The following SLC16A10 variants were observed in gnomAD, a reference collection of about 807,000 sequenced individuals.
SLC16A10 encodes the protein monocarboxylate transporter 10.
Under a neutral mutation model 40.0 loss-of-function variants are expected in SLC16A10, and 27 were observed. The observed-to-expected ratio is 0.67, with a 90% confidence interval of 0.50 to 0.93. The LOEUF (loss-of-function observed/expected upper bound fraction) is 0.93, where lower values mean the gene tolerates loss of function less well. Ranked by LOEUF, SLC16A10 falls within the 40% of genes least tolerant of loss-of-function variation. SLC16A10 has a pLI of 0.00. For synonymous variants in SLC16A10, 213 were observed against 249.8 expected, an observed-to-expected ratio of 0.85 and a Z score of 1.39; for missense variants, 529 against 658.2, an observed-to-expected ratio of 0.80 and a Z score of 2.15.
chr6:111,131,594 G>A (rs1193020668), intron 1 of SLC16A10, among the ~76,000 whole-genome samples: 1 of 152,176 alleles, frequency 6.6e-6, no homozygotes, highest in Non-Finnish European at 1.5e-5. Flanking sequence ...CCTGTCAGCT[G>A]GTTAAAAACA....
At chr6:111,164,480 CTGGGTG>C (rs1369838346) in intron 1 of SLC16A10, among the ~76,000 whole-genome samples, 2 of 152,092 alleles carry the variant, frequency 1.3e-5, no homozygotes, top group Non-Finnish European at 2.9e-5. Flanking sequence ...AAGAAGCAGG[CTGGGTG>C]TGGTGGCTCA....
intron 3 of SLC16A10, among the ~76,000 whole-genome samples, chr6:111,181,991 T>C (rs1216019): frequency 0.71 from 107,476 of 151,644 alleles, 38,119 homozygotes; most frequent in South Asian, 0.76. Context: ...TTTTGTTTTG[T>C]TTTGTTTTTG....
intron 1 of SLC16A10, among the ~76,000 whole-genome samples, chr6:111,121,975 C>A (rs904288917): frequency 6.6e-6 from 1 of 152,206 alleles, no homozygotes; most frequent in Non-Finnish European, 1.5e-5. Context: ...GCTTTCTGTA[C>A]CCTGGCACCC....
At chr6:111,152,161 T>C (rs1325654717) in intron 1 of SLC16A10, among the ~76,000 whole-genome samples, 1 of 152,244 alleles carries the variant, frequency 6.6e-6, no homozygotes, top group Non-Finnish European at 1.5e-5. Flanking sequence ...CCATTTAATT[T>C]CTGAACTCTA....
intron 3 of SLC16A10, among the ~76,000 whole-genome samples, chr6:111,184,267 T>C (rs1272113868): frequency 1.3e-5 from 2 of 152,180 alleles, no homozygotes; most frequent in African/African-American, 4.8e-5. Flanking sequence ...CTGACTCATA[T>C]TGAAATCTGT....
At chr6:111,132,646 G>A (rs979633109) in intron 1 of SLC16A10, among the ~76,000 whole-genome samples, 2 of 152,108 alleles carry the variant, frequency 1.3e-5, no homozygotes, top group Non-Finnish European at 2.9e-5. Flanking sequence ...TAAAATATGG[G>A]GCTCTTCTGT....
chr6:111,150,881 CT>C (rs1169228194), intron 1 of SLC16A10, among the ~76,000 whole-genome samples: 1 of 152,130 alleles, frequency 6.6e-6, no homozygotes, highest in Non-Finnish European at 1.5e-5. Flanking sequence ...TTAATTTGTT[CT>C]GTGGGTGCAT....
chr6:111,186,796 A>G (rs1186903857), intron 3 of SLC16A10, among the ~76,000 whole-genome samples: 2 of 152,056 alleles, frequency 1.3e-5, no homozygotes, highest in Non-Finnish European at 2.9e-5. Flanking sequence ...TATCCCTATC[A>G]TTATATCTCT....
In SLC16A10 at chr6:111,206,818, T is replaced by TC. The variant is rs1212043572; in HGVS notation, c.1086+84dup. On this transcript the variant is annotated intron_variant, in intron 4 of 5. Transcript: ENST00000368851. ...ATTAAATGTACTTACATGCTTAAATTCTTTTTTTTTCTTTCCTTTTTCTTT... is the reference window on the plus strand; with the variant it reads ...ATTAAATGTACTTACATGCTTAAATTCCTTTTTTTTTCTTTCCTTTTTCTTT... 6.7e-6 allele frequency: 10 copies of TC among 1,485,226 alleles called. No individual in the cohort carries two copies. In the East Asian group the frequency reaches 2.3e-4, roughly 34 times the overall value. The allele number at this position is 1,485,226 out of a possible 1,614,324, so 92.0% of individuals were successfully genotyped here. A position where few individuals can be genotyped will look rare whatever the true frequency, so the allele number is the denominator to read the frequency against.
intron 1 of SLC16A10, among the ~76,000 whole-genome samples, chr6:111,091,636 G>T (rs1200376701): frequency 6.6e-6 from 1 of 151,762 alleles, no homozygotes; most frequent in African/African-American, 2.4e-5. Context: ...CTTTTAGATT[G>T]ATCCACAGCA....
intron 1 of SLC16A10, among the ~76,000 whole-genome samples, chr6:111,089,629 G>C (rs1770936347): frequency 1.3e-5 from 2 of 152,152 alleles, no homozygotes. Flanking sequence ...TACCATTTAA[G>C]GGAAGTAATC....
intron 1 of SLC16A10, among the ~76,000 whole-genome samples, chr6:111,139,967 T>G (rs1055235435): frequency 6.6e-6 from 1 of 152,142 alleles, no homozygotes; most frequent in Non-Finnish European, 1.5e-5. Context: ...TAAGAACTTA[T>G]GAATGTAAAG....
rs1238815308 is a variant in SLC16A10, at chr6:111,229,783, G to T, written c.*7548G>T. On this transcript the variant is annotated 3_prime_UTR_variant, in exon 6 of 6. Coordinates refer to ENST00000368851, the MANE Select transcript of SLC16A10 (RefSeq NM_018593.5). ...TCAAGGGCTCTCAGCACCATCGTTGGTCTGATTGTGTAACACCTAAGTAAA... is the reference window on the plus strand; with the variant it reads ...TCAAGGGCTCTCAGCACCATCGTTGTTCTGATTGTGTAACACCTAAGTAAA... The T allele has an allele frequency of 6.6e-6, 1 of 152,102 alleles. No homozygotes were observed. The highest frequency in any genetic ancestry group is 2.4e-5 in the African/African-American group (1 of 41,422). The allele number at this position is 152,102 out of a possible 1,614,324, so 9.4% of individuals were successfully genotyped here.
intron 2 of SLC16A10, 45 bp downstream of exon 2, chr6:111,172,884 T>C: frequency 6.3e-6 from 10 of 1,585,776 alleles, no homozygotes; most frequent in Non-Finnish European, 8.6e-6. Context: ...AACTGTTAGA[T>C]ACCTTAAAGT....
chr6:111,165,155 G>T (rs1423294981), intron 1 of SLC16A10, among the ~76,000 whole-genome samples: 1 of 152,192 alleles, frequency 6.6e-6, no homozygotes. Flanking sequence ...GGCTAGGAAA[G>T]CATGCAGTTT....
Position 111,223,775 on chromosome 6 carries a change from A to G in SLC16A10, c.*1540A>G, listed in dbSNP as rs1307338095. ...TTTGAGAAGTTCAACAAAACATACTACTAAGACCAATCATCAAACCCACTA... is the reference window on the plus strand; with the variant it reads ...TTTGAGAAGTTCAACAAAACATACTGCTAAGACCAATCATCAAACCCACTA... On this transcript the variant is annotated 3_prime_UTR_variant, in exon 6 of 6. Transcript: ENST00000368851. The G allele has an allele frequency of 6.6e-6, 1 of 152,226 alleles. No homozygotes were observed. The allele number at this position is 152,226 out of a possible 1,614,324, so 9.4% of individuals were successfully genotyped here. A position where few individuals can be genotyped will look rare whatever the true frequency, so the allele number is the denominator to read the frequency against.
rs1166078231 is a variant in SLC16A10, at chr6:111,229,215, G to A, written c.*6980G>A. The A allele has an allele frequency of 6.6e-6, 1 of 151,858 alleles. No individual in the cohort carries two copies. Among genetic ancestry groups the A allele is most frequent in the East Asian group, 1.9e-4 (1 of 5,196 alleles). 9.4% of individuals were successfully genotyped at this position (151,858 alleles called of 1,614,324 possible). On this transcript the variant is annotated 3_prime_UTR_variant, in exon 6 of 6. Coordinates refer to ENST00000368851, the MANE Select transcript of SLC16A10 (RefSeq NM_018593.5). ...TACAACACAATAGAAAATGTATACA[G>A]CCAGCAACGTTATGCATGTTGCATG...
chr6:111,146,193 G>T (rs1311120837), intron 1 of SLC16A10, among the ~76,000 whole-genome samples: 1 of 152,164 alleles, frequency 6.6e-6, no homozygotes, highest in Non-Finnish European at 1.5e-5. Context: ...AATCACCAAT[G>T]AGCATATGAA....
At chr6:111,186,460 T>C (rs1035715852) in intron 3 of SLC16A10, among the ~76,000 whole-genome samples, 10 of 152,232 alleles carry the variant, frequency 6.6e-5, no homozygotes, top group African/African-American at 2.2e-4. Context: ...GAAATCTTAA[T>C]TTGAAGAATC....
Sources: gnomAD v4.1 joint callset for allele counts (sites outside exome capture counted in the v4.1 genomes callset) on GRCh38, gnomAD v4.1.1 for gene constraint, MANE v1.5 for transcripts, NCBI Gene and HGNC (gene_info 2026-07-23, HGNC 2026-07-21) for gene names.